The following SUPT16H variants were observed in gnomAD, a reference collection of about 807,000 sequenced individuals.
SUPT16H encodes the protein FACT complex subunit SPT16.
SUPT16H carries 24 observed loss-of-function variants against 136.2 expected under a neutral mutation model. The observed-to-expected ratio is 0.18, with a 90% confidence interval of 0.13 to 0.25. The LOEUF (loss-of-function observed/expected upper bound fraction) is 0.25. Among genes scored for constraint, SUPT16H ranks in the 10% least tolerant of loss-of-function variants. SUPT16H has a pLI of 1.00. For synonymous variants in SUPT16H, 415 were observed against 428.2 expected (o/e 0.97, Z 0.38); for missense variants, 623 against 1,270.2 (o/e 0.49, Z 7.74).
Position 21,358,310 on chromosome 14 carries a change from G to A in SUPT16H, c.2414+5C>T. ...AAACTTCAAGCCAAAAATAAGATAG[G>A]TTACCCCAAGTCCCTAAAAGGCACT... is the stretch of plus-strand genomic sequence containing the variant. On this transcript the variant is annotated splice_donor_5th_base_variant and intron_variant, in intron 20 of 25. Transcript: ENST00000216297. The A allele has an allele frequency of 1.3e-6, 2 of 1,582,084 alleles. No homozygotes were observed. Among genetic ancestry groups the A allele is most frequent in the Non-Finnish European group, 1.7e-6 (2 of 1,159,198 alleles).
intron 10 of SUPT16H, among the ~76,000 whole-genome samples, chr14:21,363,879 A>G (rs549543389): frequency 6.6e-6 from 1 of 152,216 alleles, no homozygotes; most frequent in East Asian, 1.9e-4. Flanking sequence ...GGGATTCACC[A>G]TGTTGGTCAG....
intron 1 of SUPT16H, chr14:21,382,849 T>C (rs986227900): frequency 6.6e-6 from 1 of 152,214 alleles, no homozygotes; most frequent in Non-Finnish European, 1.5e-5. Context: ...AGATGAAACA[T>C]GCACAGACAG....
intron 1 of SUPT16H, chr14:21,383,421 C>T (rs112659977): frequency 0.011 from 5,620 of 509,086 alleles, 37 homozygotes; most frequent in Non-Finnish European, 0.015. Flanking sequence ...CGATTGACAT[C>T]CTCCTTGCCC....
intron 4 of SUPT16H, 85 bp from the exon 5 acceptor site, chr14:21,369,981 G>T: frequency 6.8e-7 from 1 of 1,468,976 alleles, no homozygotes; most frequent in Non-Finnish European, 9.4e-7. Flanking sequence ...TATTACCAGT[G>T]ATATTTCTGT....
chr14:21,366,311 G>T, intron 8 of SUPT16H, 128 bp downstream of exon 8: 1 of 824,484 alleles, frequency 1.2e-6, no homozygotes, highest in Non-Finnish European at 2.0e-6. Flanking sequence ...CATGTGCCTG[G>T]CACATAGTAT....
At position 21,372,020 on chromosome 14, in the gene SUPT16H, T is replaced by C; in HGVS notation, c.184A>G (p.Thr62Ala). 6.2e-7 allele frequency: 1 copy of C among 1,613,750 alleles called. No individual in the cohort carries two copies. The highest frequency in any genetic ancestry group is 8.5e-7 in the Non-Finnish European group (1 of 1,179,952). The change falls in exon 3 of 26, where the codon ACT (threonine) becomes GCT (alanine). Residue 62 changes from threonine (T) to alanine (A), a missense_variant. By Grantham distance (58) the Thr-to-Ala change is moderately conservative. This residue lies in a region of SUPT16H where 343 missense variants were observed against 525.7 expected (regional missense o/e 0.65). Coordinates refer to ENST00000216297, the MANE Select transcript of SUPT16H (RefSeq NM_007192.4). ...TCACAAAAGACCATGATAGTATCAG[T>C]TAGTTCATAACCAAAGAGCCATGTC... Reference protein sequence around the residue: ...LQTWLFGYELTDTIMVFCDDK... With the variant: ...LQTWLFGYELADTIMVFCDDK...
intron 18 of SUPT16H, among the ~76,000 whole-genome samples, chr14:21,360,145 G>A (rs142816090): frequency 4.0e-5 from 6 of 151,836 alleles, no homozygotes; most frequent in African/African-American, 1.5e-4. Context: ...TTCCTGCCTC[G>A]GCCTCTCAAG....
At chr14:21,364,288 C>G (rs78391571) in intron 10 of SUPT16H, among the ~76,000 whole-genome samples, 2,032 of 152,120 alleles carry the variant, frequency 0.013, 46 homozygotes, top group African/African-American at 0.047. Context: ...GAATTTACAT[C>G]AACTGCTCAG....
intron 6 of SUPT16H, among the ~76,000 whole-genome samples, chr14:21,368,841 C>T (rs1886727159): frequency 6.6e-6 from 1 of 152,034 alleles, no homozygotes; most frequent in East Asian, 1.9e-4. Flanking sequence ...TGAATGTTCT[C>T]ACTTATATGT....
rs749442441 is a variant in SUPT16H, at chr14:21,383,974, C to G, written c.-47G>C. On this transcript the variant is annotated 5_prime_UTR_variant, in exon 1 of 26. Transcript: ENST00000216297. ...TCGGGTTCCGAGAATCACGCGAGGT[C>G]CCGGCTCAGCCACCCGCTCTCGGCC... is the stretch of plus-strand genomic sequence containing the variant. The G allele has an allele frequency of 1.9e-6, 3 of 1,608,648 alleles. No homozygotes were observed. In the East Asian group the frequency reaches 6.7e-5, roughly 36 times the overall value.
intron 1 of SUPT16H, among the ~76,000 whole-genome samples, chr14:21,381,695 A>C (rs1232527485): frequency 6.6e-6 from 1 of 151,850 alleles, no homozygotes; most frequent in East Asian, 1.9e-4. Context: ...CTGCAGCCTC[A>C]AACTCCTGGG....
chr14:21,367,097 C>T (rs1020956055), intron 7 of SUPT16H, among the ~76,000 whole-genome samples: 1 of 152,150 alleles, frequency 6.6e-6, no homozygotes, highest in Non-Finnish European at 1.5e-5. Flanking sequence ...CCTGCCACCA[C>T]GCCCGGCTAA....
intron 4 of SUPT16H, 135 bp downstream of exon 4, chr14:21,370,201 G>T: frequency 8.1e-7 from 1 of 1,231,724 alleles, no homozygotes; most frequent in Non-Finnish European, 1.1e-6. Flanking sequence ...CTGGCACACT[G>T]CTCAGCCAAA....
At chr14:21,383,735 C>A in intron 1 of SUPT16H, 127 bp downstream of exon 1, 1 of 1,064,604 alleles carries the variant, frequency 9.4e-7, no homozygotes, top group Non-Finnish European at 1.4e-6. Context: ...GATTCGGGAG[C>A]AACGAAAAGG....
intron 10 of SUPT16H, 52 bp from the exon 11 acceptor site, chr14:21,363,555 T>C (rs1886602875): frequency 3.9e-6 from 6 of 1,523,776 alleles, no homozygotes; most frequent in Non-Finnish European, 5.4e-6. Flanking sequence ...GCAATTTCAT[T>C]TTCTAACCTA....
intron 9 of SUPT16H, 65 bp from the exon 10 acceptor site, chr14:21,365,004 C>G (rs1886636401): frequency 1.9e-6 from 3 of 1,607,400 alleles, no homozygotes; most frequent in Non-Finnish European, 2.6e-6. Context: ...AGACATATGC[C>G]TAAAAGAAAA....
chr14:21,365,603 C>T (rs1886647991), intron 8 of SUPT16H, among the ~76,000 whole-genome samples: 1 of 152,132 alleles, frequency 6.6e-6, no homozygotes, highest in African/African-American at 2.4e-5. Flanking sequence ...ATACCATAGA[C>T]TAGTTTTCAT....
In SUPT16H at chr14:21,363,483, G is replaced by A. The variant is rs576020366; in HGVS notation, c.1254C>T (p.Leu418=). 5.6e-6 allele frequency: 9 copies of A among 1,613,532 alleles called. No individual in the cohort carries two copies. The Admixed American group carries it at 6.7e-5, about 12-fold the overall frequency. Residue 418 remains leucine, a synonymous_variant, in exon 11 of 26, where the codon CTC becomes CTT. Coordinates refer to ENST00000216297, the MANE Select transcript of SUPT16H (RefSeq NM_007192.4). ...TCTTCACTTTCTTCTTCACAGAAGT[G>A]AGAACAGTAGCTGGGCCATCCTAGA... The part of the protein sequence containing the change: ...LVDEDGPATV[L]TSVKKKVKNV...
At chr14:21,358,602 C>T (rs948505395) in intron 19 of SUPT16H, among the ~76,000 whole-genome samples, 175 bp from the exon 20 acceptor site, 1 of 152,196 alleles carries the variant, frequency 6.6e-6, no homozygotes, top group African/African-American at 2.4e-5. Context: ...TGGTGGTTTG[C>T]TGCACAGATC....
Sources: gnomAD v4.1 joint callset for allele counts (sites outside exome capture counted in the v4.1 genomes callset) on GRCh38, gnomAD v4.1.1 for gene constraint, gnomAD v4.1.1 regional missense constraint, MANE v1.5 for transcripts, NCBI Gene and HGNC (gene_info 2026-07-23, HGNC 2026-07-21) for gene names.